Variants in SIK2 observed in about 807,000 individuals in gnomAD.
The protein encoded by SIK2 is serine/threonine-protein kinase SIK2.
In SIK2, 29 loss-of-function variants were observed where a neutral mutation model predicts 103.2. The ratio of observed to expected loss-of-function variants is 0.28; its 90% CI spans 0.21 to 0.38. SIK2 has a LOEUF of 0.38. Among genes scored for constraint, SIK2 ranks in the 10% least tolerant of loss-of-function variants. SIK2 has a pLI of 1.00. For missense variants in SIK2, 879 were observed against 1,171.0 expected (o/e 0.75, Z 3.64); for synonymous variants, 412 against 446.1 (o/e 0.92, Z 0.96).
At chr11:111,616,185 A>G (rs958475371) in intron 1 of SIK2, 58 bp from the exon 2 acceptor site, 9 of 1,170,778 alleles carry the variant, frequency 7.7e-6, no homozygotes, top group Non-Finnish European at 1.1e-5. Context: ...CAGGATTCTT[A>G]ACTAGAAAAT....
rs370277515 is a variant in SIK2 at position 111,723,803 on chromosome 11, C to T, written c.2455C>T (p.Gln819Ter). The T allele has an allele frequency of 6.2e-7, 1 of 1,613,238 alleles. No individual in the cohort carries two copies. The highest frequency in any genetic ancestry group is 8.5e-7 in the Non-Finnish European group (1 of 1,179,932). ...RAAPPLPTQLQQQQPPPPPPP... is the reference protein window; with the variant it reads ...RAAPPLPTQL ...TGCTCCTCCTCTGCCCACGCAGCTA[C>T]AGCAGCAGCAGCCGCCACCGCCACC... The change falls in exon 15 of 15, where the codon CAG (glutamine) becomes TAG (stop). Residue 819 changes from glutamine to a stop codon, truncating the protein, a stop_gained. Transcript: ENST00000304987. LOFTEE classifies it high-confidence loss of function.
Position 111,728,592 on chromosome 11 carries a change from A to T in SIK2, c.*4463A>T, listed in dbSNP as rs2135995564. 6.6e-6 allele frequency: 1 copy of T among 151,406 alleles called. No homozygotes were observed. Among genetic ancestry groups the T allele is most frequent in the African/African-American group, 2.4e-5 (1 of 41,300 alleles). 9.4% of individuals were successfully genotyped at this position (151,406 alleles called of 1,614,324 possible). On this transcript the variant is annotated 3_prime_UTR_variant, in exon 15 of 15. Transcript: ENST00000304987. ...GTGTGAGCCACCACACCCGACCTGG[A>T]ATTTTTTTATAGAACTTATCTTCAG...
rs966329477 is a variant in SIK2, at chr11:111,724,547, T to C, written c.*418T>C. 6.5e-5 allele frequency: 11 copies of C among 168,648 alleles called. No homozygotes were observed. The highest frequency in any genetic ancestry group is 6.3e-4 in the Admixed American group (11 of 17,596). The allele number at this position is 168,648 out of a possible 1,614,324, so 10.4% of individuals were successfully genotyped here. On this transcript the variant is annotated 3_prime_UTR_variant, in exon 15 of 15. Transcript: ENST00000304987. ...GGGGAAAAGGCAATATATTTTTCACTGAAGCTGAGCAACCACATATTGCTA... is the reference window on the plus strand; with the variant it reads ...GGGGAAAAGGCAATATATTTTTCACCGAAGCTGAGCAACCACATATTGCTA...
At chr11:111,640,424 G>A (rs957127118) in intron 3 of SIK2, among the ~76,000 whole-genome samples, 1 of 152,062 alleles carries the variant, frequency 6.6e-6, no homozygotes, top group Non-Finnish European at 1.5e-5. Flanking sequence ...AATATTGGGG[G>A]TTCTTAAAAT....
chr11:111,661,816 G>A (rs189297532), intron 3 of SIK2, among the ~76,000 whole-genome samples: 6 of 152,256 alleles, frequency 3.9e-5, no homozygotes, highest in East Asian at 3.9e-4. Flanking sequence ...ATCGGATCTC[G>A]TGAAACTTAC....
At chr11:111,631,878 G>C (rs1942044914) in intron 3 of SIK2, among the ~76,000 whole-genome samples, 1 of 152,154 alleles carries the variant, frequency 6.6e-6, no homozygotes, top group Admixed American at 6.6e-5. Context: ...AATTATGGTG[G>C]CATGCTGGGA....
intron 8 of SIK2, among the ~76,000 whole-genome samples, chr11:111,709,521 C>T (rs1565379526): frequency 6.6e-6 from 1 of 152,226 alleles, no homozygotes; most frequent in Non-Finnish European, 1.5e-5. Context: ...AAGCACTAAA[C>T]ATGTGGTCTA....
intron 1 of SIK2, among the ~76,000 whole-genome samples, chr11:111,615,391 T>A (rs951191971): frequency 2.0e-5 from 3 of 152,122 alleles, no homozygotes; most frequent in African/African-American, 7.2e-5. Flanking sequence ...TTTTAGAGTT[T>A]TTTCAAAACT....
intron 3 of SIK2, among the ~76,000 whole-genome samples, chr11:111,657,052 A>G (rs1166583515): frequency 6.6e-6 from 1 of 152,228 alleles, no homozygotes; most frequent in African/African-American, 2.4e-5. Flanking sequence ...TACAACTTGT[A>G]TAAGATGTGT....
chr11:111,620,880 T>A (rs1941873937), intron 3 of SIK2, among the ~76,000 whole-genome samples: 1 of 152,224 alleles, frequency 6.6e-6, no homozygotes, highest in African/African-American at 2.4e-5. Flanking sequence ...TCACTAAACC[T>A]CTCTGGGACT....
intron 1 of SIK2, among the ~76,000 whole-genome samples, chr11:111,603,607 C>G (rs546047347): frequency 1.6e-4 from 24 of 152,296 alleles, no homozygotes; most frequent in Admixed American, 5.2e-4. Context: ...AACCCGCCCC[C>G]CTTCCTTCCA....
chr11:111,632,399 A>G (rs1294820506), intron 3 of SIK2, among the ~76,000 whole-genome samples: 1 of 152,174 alleles, frequency 6.6e-6, no homozygotes, highest in Non-Finnish European at 1.5e-5. Context: ...ATCCTTAACA[A>G]GGTCATCAAG....
intron 1 of SIK2, among the ~76,000 whole-genome samples, chr11:111,606,683 C>T (rs1454504567): frequency 3.9e-5 from 6 of 152,034 alleles, no homozygotes; most frequent in Non-Finnish European, 8.8e-5. Flanking sequence ...GTGCATTTTA[C>T]ATTTTTTTTA....
At chr11:111,605,367 G>A (rs1015697392) in intron 1 of SIK2, among the ~76,000 whole-genome samples, 1 of 152,082 alleles carries the variant, frequency 6.6e-6, no homozygotes, top group Non-Finnish European at 1.5e-5. Context: ...ATAAATGTTT[G>A]TGTGTTTTTG....
chr11:111,697,649 A>G lies in SIK2; in HGVS notation c.479-3237A>G, dbSNP rs538145107. Among the ~76,000 whole-genome samples the G allele has an allele frequency of 2.0e-5, 3 of 152,250 alleles. 1 individual carries two copies. The highest frequency in any genetic ancestry group is 4.1e-4 in the South Asian group (2 of 4,824). ...TAGAAAACCCAGGATTTGATCCCCA[A>G]TCTGCCTAACACCAAAGTCTTCCTT... is the stretch of plus-strand genomic sequence containing the variant. On this transcript the variant is annotated intron_variant, in intron 4 of 14. Coordinates refer to ENST00000304987, the MANE Select transcript of SIK2 (RefSeq NM_015191.3).
intron 4 of SIK2, among the ~76,000 whole-genome samples, chr11:111,699,516 A>G (rs1943160832): frequency 1.3e-5 from 2 of 152,210 alleles, no homozygotes; most frequent in South Asian, 2.1e-4. Flanking sequence ...TATGGAAAAA[A>G]TAACTTTCCT....
intron 3 of SIK2, among the ~76,000 whole-genome samples, chr11:111,657,956 T>A (rs989475286): frequency 1.3e-5 from 2 of 152,094 alleles, no homozygotes; most frequent in Non-Finnish European, 2.9e-5. Context: ...CTGACTAGGC[T>A]AAGGAGTAAC....
intron 3 of SIK2, among the ~76,000 whole-genome samples, chr11:111,680,417 T>A (rs560381797): frequency 2.7e-4 from 41 of 152,214 alleles, no homozygotes; most frequent in South Asian, 1.4e-3. Flanking sequence ...AGTTTTTTTT[T>A]AAAAAAGATT....
chr11:111,677,419 G>GT (rs1942717232), intron 3 of SIK2, among the ~76,000 whole-genome samples: 1 of 151,322 alleles, frequency 6.6e-6, no homozygotes, highest in Non-Finnish European at 1.5e-5. Context: ...GTTGTTTTTT[G>GT]TTTTTTGTTT....
Sources: gnomAD v4.1 joint callset for allele counts (sites outside exome capture counted in the v4.1 genomes callset) on GRCh38, gnomAD v4.1.1 for gene constraint, MANE v1.5 for transcripts, NCBI Gene and HGNC (gene_info 2026-07-23, HGNC 2026-07-21) for gene names.